Variants in CA12 observed in about 807,000 individuals in gnomAD.
CA12 encodes the protein carbonic anhydrase 12, also known as carbonate dehydratase XII.
Under a neutral mutation model 46.8 loss-of-function variants are expected in CA12, and 36 were observed. That is an observed-to-expected ratio of 0.77 (90% CI 0.59 to 1.02). CA12 has a LOEUF of 1.02. CA12 is among the 50% of genes least tolerant of loss of function. CA12 has a pLI of 0.00. For synonymous variants in CA12, 202 were observed against 187.0 expected (o/e 1.08, Z -0.65); for missense variants, 436 against 451.4 (o/e 0.97, Z 0.31).
At chr15:63,353,699 T>A (rs1242104397) in intron 2 of CA12, among the ~76,000 whole-genome samples, 2 of 151,992 alleles carry the variant, frequency 1.3e-5, no homozygotes, top group Non-Finnish European at 2.9e-5. Context: ...ATCCTCAGGA[T>A]GGTGTCTGCA....
chr15:63,364,332 G>GA lies in CA12; in HGVS notation c.106+11325dup, dbSNP rs34673043. On this transcript the variant is annotated intron_variant, in intron 2 of 10. Transcript: ENST00000178638. ...GTGAAACAGTGAAACCCCGTCACTA[G>GA]AAAAAAAAAAAAAAAAAAAAAAACA... Among the ~76,000 whole-genome samples, 72 of 56,116 alleles carry GA rather than the reference G, an allele frequency of 1.3e-3. 11 individuals carry two copies. Among genetic ancestry groups the GA allele is most frequent in the African/African-American group, 4.3e-3 (62 of 14,360 alleles). 36.8% of individuals were successfully genotyped at this position (56,116 alleles called of 152,430 possible). A position where few individuals can be genotyped will look rare whatever the true frequency, so the allele number is the denominator to read the frequency against.
At chr15:63,363,728 T>C (rs755741178) in intron 2 of CA12, among the ~76,000 whole-genome samples, 2 of 152,260 alleles carry the variant, frequency 1.3e-5, no homozygotes, top group African/African-American at 2.4e-5. Context: ...GGGACAGTTA[T>C]GTGGCAGGAA....
In CA12 at chr15:63,321,506, G is replaced by C. The variant is rs1237151119; in HGVS notation, c.*4779C>G. 2 of 152,254 alleles carry C rather than the reference G, an allele frequency of 1.3e-5. No individual in the cohort carries two copies. The highest frequency in any genetic ancestry group is 2.4e-5 in the African/African-American group (1 of 41,436). 9.4% of individuals were successfully genotyped at this position (152,254 alleles called of 1,614,324 possible). On this transcript the variant is annotated 3_prime_UTR_variant, in exon 11 of 11. Coordinates refer to ENST00000178638, the MANE Select transcript of CA12 (RefSeq NM_001218.5). This position sits in a 1 kb window ranked among gnomAD's most constrained non-coding sequence, Gnocchi z 4.5. ...CGGGGACACCCTCGGTGGCATTGTC[G>C]GGCCACATACCTTTCCCCTCACATC... is the stretch of plus-strand genomic sequence containing the variant.
At position 63,375,961 on chromosome 15, in the gene CA12, C is replaced by T. The variant is rs185262106; in HGVS notation, c.86-283G>A. Among the ~76,000 whole-genome samples the T allele has an allele frequency of 2.6e-5, 4 of 152,142 alleles. 1 individual carries two copies. The highest frequency in any genetic ancestry group is 3.9e-4 in the East Asian group (2 of 5,174). Reference sequence around the variant, plus strand: ...AGTAGCTGGGATTACAGGCACGCACCGTCACGCCTGGTTAATTTTGTATTT... The same window carrying T: ...AGTAGCTGGGATTACAGGCACGCACTGTCACGCCTGGTTAATTTTGTATTT... On this transcript the variant is annotated intron_variant, in intron 1 of 10. Coordinates refer to ENST00000178638, the MANE Select transcript of CA12 (RefSeq NM_001218.5).
intron 2 of CA12, among the ~76,000 whole-genome samples, chr15:63,364,101 C>T (rs975988059): frequency 2.0e-5 from 3 of 151,858 alleles, no homozygotes; most frequent in South Asian, 2.1e-4. Flanking sequence ...GTAGGAGAAT[C>T]GCTTGAACCC....
intron 2 of CA12, among the ~76,000 whole-genome samples, chr15:63,364,332 GAAAAAAAAAAAA>G (rs34673043): frequency 1.8e-5 from 1 of 56,138 alleles, no homozygotes; most frequent in South Asian, 1.1e-3. Context: ...CCCGTCACTA[GAAAAAAAAAAAA>G]AAAAAAAAAA....
intron 2 of CA12, among the ~76,000 whole-genome samples, chr15:63,353,366 C>T (rs10775184): frequency 0.98 from 148,655 of 152,236 alleles, 72,687 homozygotes; most frequent in East Asian, 1. Flanking sequence ...TCAGAGGCCC[C>T]GCTGCAGTGG....
intron 2 of CA12, among the ~76,000 whole-genome samples, chr15:63,359,714 A>G (rs1292194923): frequency 6.6e-6 from 1 of 152,318 alleles, no homozygotes; most frequent in Middle Eastern, 3.4e-3. Flanking sequence ...TGCTATCTGG[A>G]TTGAATCCTG....
Position 63,331,853 on chromosome 15 carries a change from C to T in CA12, c.875-3723G>A, listed in dbSNP as rs1233670458. 1.3e-5 allele frequency: 2 copies of T among 152,154 alleles called. No individual in the cohort carries two copies. The highest frequency in any genetic ancestry group is 2.9e-5 in the Non-Finnish European group (2 of 68,032). 9.4% of individuals were successfully genotyped at this position (152,154 alleles called of 1,614,324 possible). On this transcript the variant is annotated intron_variant, in intron 8 of 10. Transcript: ENST00000178638. This position sits in a 1 kb window ranked among gnomAD's most constrained non-coding sequence, Gnocchi z 5.3. The stretch of plus-strand genomic sequence containing the variant: ...AAGGGCTTTTGAGGTCTTCTGAAGC[C>T]TCAAGCATAAACACAGAAGAGTCCA...
rs754820729 is a variant in CA12, at chr15:63,360,588, C to T, written c.107-13879G>A. 3.3e-5 allele frequency among the ~76,000 whole-genome samples: 5 copies of T among 152,196 alleles called. No individual in the cohort carries two copies. In the East Asian group the frequency reaches 5.8e-4, roughly 18 times the overall value. On this transcript the variant is annotated intron_variant, in intron 2 of 10. Coordinates refer to ENST00000178638, the MANE Select transcript of CA12 (RefSeq NM_001218.5). ...AGTCTCTAATTGTGCCACGTGCTCT[C>T]GCCTGCTTTTTAGGGCCTCTGTTGC...
At chr15:63,368,213 G>A (rs1428760605) in intron 2 of CA12, among the ~76,000 whole-genome samples, 9 of 152,204 alleles carry the variant, frequency 5.9e-5, no homozygotes, top group African/African-American at 2.2e-4. Context: ...ATGCTAAAAT[G>A]TGGGGAAAGT....
In CA12 at chr15:63,323,087, A is replaced by G. The variant is rs551787964; in HGVS notation, c.*3198T>C. 1.2e-4 allele frequency: 18 copies of G among 152,340 alleles called. No homozygotes were observed. The South Asian group carries it at 1.9e-3, about 16-fold the overall frequency. 9.4% of individuals were successfully genotyped at this position (152,340 alleles called of 1,614,324 possible). A position where few individuals can be genotyped will look rare whatever the true frequency, so the allele number is the denominator to read the frequency against. ...GTATGTTTTGCAAAAAGAATTCAAA[A>G]TAAGGTAACAGGCAACCAAGAGGGG... On this transcript the variant is annotated 3_prime_UTR_variant, in exon 11 of 11. Transcript: ENST00000178638. The surrounding 1 kb of genome is among the most constrained non-coding windows in gnomAD (Gnocchi z 5.1).
intron 2 of CA12, among the ~76,000 whole-genome samples, chr15:63,363,059 C>T (rs1177692330): frequency 2.6e-5 from 4 of 152,186 alleles, no homozygotes; most frequent in Non-Finnish European, 2.9e-5. Flanking sequence ...GGAATCACTG[C>T]GTAAGAGCCA....
rs771216920 is a variant in CA12, at chr15:63,340,496, A to C, written c.590-51T>G. 6.2e-7 allele frequency: 1 copy of C among 1,608,404 alleles called. No homozygotes were observed. The highest frequency in any genetic ancestry group is 2.2e-5 in the East Asian group (1 of 44,842). The stretch of plus-strand genomic sequence containing the variant: ...TAGTGTCAGCCTCCCTCCGTAGGGC[A>C]TAAGTGCAGCTGAACAGAGCGACTG... On this transcript the variant is annotated intron_variant, in intron 6 of 10. Transcript: ENST00000178638. This position sits in a 1 kb window ranked among gnomAD's most constrained non-coding sequence, Gnocchi z 4.4.
In CA12 at chr15:63,341,997, C is replaced by T; in HGVS notation, c.525+5G>A. On this transcript the variant is annotated splice_donor_5th_base_variant and intron_variant, in intron 5 of 10. Coordinates refer to ENST00000178638, the MANE Select transcript of CA12 (RefSeq NM_001218.5). This position sits in a 1 kb window ranked among gnomAD's most constrained non-coding sequence, Gnocchi z 5.2. ...TCACCTAAGAACCTTTTAAATATCT[C>T]TTACCTCAATGAGAACAGCCAGGAC... is the stretch of plus-strand genomic sequence containing the variant. The T allele has an allele frequency of 6.2e-7, 1 of 1,605,578 alleles. No individual in the cohort carries two copies.
rs551823799 is a variant in CA12, at chr15:63,381,660, G to C, written c.61C>G (p.Pro21Ala). The change falls in exon 1 of 11, where the codon CCT becomes GCT. Residue 21 changes from proline to alanine, a missense_variant. By Grantham distance (27) the Pro-to-Ala change is conservative. Transcript: ENST00000178638. ...CCGTTCACTGGGGCCGGGCTGGAAG[G>C]CTGTTCCTTTAAGATCACCAGCAGG... ...VLLLVILKEQPSSPAPVNGSK... is the reference protein window; with the variant it reads ...VLLLVILKEQASSPAPVNGSK... 1.2e-5 allele frequency: 19 copies of C among 1,611,792 alleles called. 1 individual carries two copies. The highest frequency in any genetic ancestry group is 5.0e-5 in the Admixed American group (3 of 59,856).
Position 63,327,248 on chromosome 15 carries a change from G to C in CA12, c.908-15C>G. On this transcript the variant is annotated splice_polypyrimidine_tract_variant and intron_variant, in intron 9 of 10. Transcript: ENST00000178638. The surrounding 1 kb of genome is among the most constrained non-coding windows in gnomAD (Gnocchi z 4.5). ...GAGGATGATGCCTGGTGAAGAGGTA[G>C]AGGGCACACATTACATTCCTTCCTT... The C allele has an allele frequency of 6.2e-7, 1 of 1,608,258 alleles. No individual in the cohort carries two copies. Among genetic ancestry groups the C allele is most frequent in the South Asian group, 1.1e-5 (1 of 90,602 alleles).
Position 63,373,374 on chromosome 15 carries a change from T to A in CA12, c.106+2284A>T, listed in dbSNP as rs1056131535. 1.4e-5 allele frequency among the ~76,000 whole-genome samples: 2 copies of A among 139,628 alleles called. No individual in the cohort carries two copies. The highest frequency in any genetic ancestry group is 7.4e-5 in the Admixed American group (1 of 13,586). The allele number at this position is 139,628 out of a possible 152,430, so 91.6% of individuals were successfully genotyped here. A position where few individuals can be genotyped will look rare whatever the true frequency, so the allele number is the denominator to read the frequency against. On this transcript the variant is annotated intron_variant, in intron 2 of 10. Transcript: ENST00000178638. This position sits in a 1 kb window ranked among gnomAD's most constrained non-coding sequence, Gnocchi z 4.9. ...TGAGACTCCAAAAAAAAAAAAAAAA[T>A]TTGTCCTCCCACACCTTCACACAAT... is the stretch of plus-strand genomic sequence containing the variant.
intron 2 of CA12, among the ~76,000 whole-genome samples, chr15:63,362,185 G>T (rs935767802): frequency 6.6e-6 from 1 of 152,200 alleles, no homozygotes; most frequent in African/African-American, 2.4e-5. Flanking sequence ...TAAAACAGGT[G>T]TTGGGCTGGA....
Sources: allele counts gnomAD v4.1 joint callset (sites outside exome capture counted in the v4.1 genomes callset), GRCh38; gene constraint gnomAD v4.1.1; non-coding constraint Gnocchi (gnomAD v3.1); transcripts MANE v1.5; gene names NCBI Gene and HGNC (gene_info 2026-07-23, HGNC 2026-07-21).